Variants in RFT1 observed in about 807,000 individuals in gnomAD.
RFT1 encodes man(5)GlcNAc(2)-PP-dolichol translocation protein RFT1.
Under a neutral mutation model 62.2 loss-of-function variants are expected in RFT1, and 43 were observed. That is an observed-to-expected ratio of 0.69 (90% CI 0.54 to 0.89). The LOEUF is 0.89. RFT1 is among the 40% of genes least tolerant of loss of function. RFT1 has a pLI of 0.00. For missense variants in RFT1, 605 were observed against 649.9 expected (o/e 0.93, Z 0.75); for synonymous variants, 262 against 264.6 (o/e 0.99, Z 0.10).
downstream of RFT1, among the ~76,000 whole-genome samples, chr3:53,087,647 C>T (rs943569728): frequency 7.9e-5 from 12 of 152,056 alleles, no homozygotes; most frequent in South Asian, 2.1e-4. Flanking sequence ...CTCAGCCTCC[C>T]GTATAGGAAC....
the RFT1 span, among the ~76,000 whole-genome samples, chr3:53,076,839 C>T: frequency 5.3e-5 from 8 of 151,720 alleles, no homozygotes; most frequent in Non-Finnish European, 7.4e-5. Flanking sequence ...CCCAGCGACT[C>T]GGGAGGCTGA....
In RFT1 at chr3:53,104,074, TG is replaced by T; in HGVS notation, c.980del (p.Ala327GlufsTer15). 2 of 1,614,062 alleles carry T rather than the reference TG, an allele frequency of 1.2e-6. No individual in the cohort carries two copies. Among genetic ancestry groups the T allele is most frequent in the Non-Finnish European group, 1.7e-6 (2 of 1,180,004 alleles). ...QKQEDVAVAA[A>X]VLESLLKLAL... ...CCAGCTTGAGCAGGGACTCCAAGAC[TG>T]CAGCAGCCACAGCAACGTCCTCCTG... On this transcript the variant is annotated frameshift_variant, in exon 10 of 13. Transcript: ENST00000296292. LOFTEE classifies it high-confidence loss of function.
intron 6 of RFT1, among the ~76,000 whole-genome samples, chr3:53,112,971 A>G (rs558515004): frequency 1.3e-5 from 2 of 152,012 alleles, no homozygotes; most frequent in African/African-American, 2.4e-5. Context: ...TCTATCTTGT[A>G]GGCACCCTGG....
Position 53,101,117 on chromosome 3 carries a change from A to G in RFT1, c.1103-1631T>C, listed in dbSNP as rs538089935. Among the ~76,000 whole-genome samples, 33 of 152,336 alleles carry G rather than the reference A, an allele frequency of 2.2e-4. No individual in the cohort carries two copies. In the East Asian group the frequency reaches 5.4e-3, roughly 25 times the overall value. On this transcript the variant is annotated intron_variant, in intron 10 of 12. Transcript: ENST00000296292. The stretch of plus-strand genomic sequence containing the variant: ...CCCTAAACAGTTTTATGGCAGTCAC[A>G]AAATTATAAAAGGAATACTAACAGG...
chr3:53,079,920 TGGTG>T, the RFT1 span, among the ~76,000 whole-genome samples: 26 of 145,690 alleles, frequency 1.8e-4, no homozygotes, highest in African/African-American at 7.3e-4. Flanking sequence ...CATTGGCAAT[TGGTG>T]GGTGAGGCCA....
downstream of RFT1, among the ~76,000 whole-genome samples, chr3:53,085,561 CTT>C (rs1700837501): frequency 6.6e-6 from 1 of 152,240 alleles, no homozygotes; most frequent in South Asian, 2.1e-4. Context: ...AGCCACCACT[CTT>C]GTGTCCTTAT....
chr3:53,120,631 GTTTTGTCT>G (rs1184729670), intron 5 of RFT1, among the ~76,000 whole-genome samples: 2 of 152,188 alleles, frequency 1.3e-5, no homozygotes, highest in African/African-American at 4.8e-5. Context: ...AGCCAGATGG[GTTTTGTCT>G]GCAGATTGAG....
chr3:53,123,896 T>A, intron 2 of RFT1, 56 bp from the exon 3 acceptor site: 1 of 1,423,802 alleles, frequency 7.0e-7, no homozygotes, highest in Non-Finnish European at 9.9e-7. Flanking sequence ...AGAGAGAACT[T>A]CTGGGATTTT....
At chr3:53,092,191 A>AC (rs780379468) in intron 12 of RFT1, 121 bp from the exon 13 acceptor site, 324 of 1,394,960 alleles carry the variant, frequency 2.3e-4, no homozygotes, top group Non-Finnish European at 3.1e-4. Context: ...TAACAGCCAT[A>AC]CTGCAGGTCC....
chr3:53,109,619 G>A lies in RFT1; in HGVS notation c.775+2211C>T, dbSNP rs183496543. 2.3e-3 allele frequency among the ~76,000 whole-genome samples: 350 copies of A among 152,208 alleles called. 1 individual carries two copies. Among genetic ancestry groups the A allele is most frequent in the African/African-American group, 7.4e-3 (307 of 41,532 alleles). ...GAGTCCAGGAGTTCAAGACCAGTCT[G>A]GGCAACATCACAAGACCCTGTCTCT... is the stretch of plus-strand genomic sequence containing the variant. On this transcript the variant is annotated intron_variant, in intron 7 of 12. Transcript: ENST00000296292.
At chr3:53,123,682 C>T (rs759660756) in intron 3 of RFT1, 42 bp downstream of exon 3, 4 of 1,469,684 alleles carry the variant, frequency 2.7e-6, no homozygotes, top group Non-Finnish European at 9.5e-7. Context: ...GCTCACTACA[C>T]CTGCCTTCCT....
intron 6 of RFT1, among the ~76,000 whole-genome samples, chr3:53,112,401 T>C (rs1701676687): frequency 6.6e-6 from 1 of 152,164 alleles, no homozygotes; most frequent in South Asian, 2.1e-4. Flanking sequence ...CCACTCAGAA[T>C]GGGTATGACA....
chr3:53,129,165 A>G lies in RFT1; in HGVS notation c.63+1173T>C, dbSNP rs150369852. Among the ~76,000 whole-genome samples, 8 of 152,378 alleles carry G rather than the reference A, an allele frequency of 5.3e-5. No homozygotes were observed. The East Asian group carries it at 1.3e-3, about 26-fold the overall frequency. On this transcript the variant is annotated intron_variant, in intron 1 of 12. Transcript: ENST00000296292. ...AGAATGGCTAACATTTACTAAGCAC[A>G]TATCACGTGCAAGGCACTCTTCAAC...
chr3:53,087,218 C>G (rs982595736), downstream of RFT1, among the ~76,000 whole-genome samples: 29 of 152,164 alleles, frequency 1.9e-4, no homozygotes, highest in African/African-American at 7.0e-4. Context: ...GCCCGGGCAA[C>G]AGAACGAGAC....
chr3:53,096,932 A>T (rs914228817), intron 11 of RFT1, among the ~76,000 whole-genome samples: 2 of 151,924 alleles, frequency 1.3e-5, no homozygotes, highest in African/African-American at 4.8e-5. Context: ...TTTAGTAGAG[A>T]CAGGGTTTCA....
At chr3:53,083,462 T>G in the RFT1 span, among the ~76,000 whole-genome samples, 1 of 138,534 alleles carries the variant, frequency 7.2e-6, no homozygotes, top group Admixed American at 7.5e-5. Context: ...GCCACTGCAC[T>G]CCAGCCTGGG....
intron 11 of RFT1, among the ~76,000 whole-genome samples, chr3:53,097,524 A>G (rs916874594): frequency 2.0e-5 from 3 of 152,244 alleles, no homozygotes; most frequent in African/African-American, 7.2e-5. Flanking sequence ...CATTACAGCT[A>G]ACTTAAAAAG....
At chr3:53,116,291 CTTTT>C (rs71087059) in intron 6 of RFT1, among the ~76,000 whole-genome samples, 28 of 113,598 alleles carry the variant, frequency 2.5e-4, no homozygotes, top group Non-Finnish European at 2.4e-4. Context: ...CATCTCATTT[CTTTT>C]TTTTTTTTTT....
At chr3:53,097,616 T>C (rs1268532390) in intron 11 of RFT1, among the ~76,000 whole-genome samples, 1 of 152,228 alleles carries the variant, frequency 6.6e-6, no homozygotes, top group Non-Finnish European at 1.5e-5. Flanking sequence ...TTGGTTGCAA[T>C]GTATAAAAAC....
Sources: allele counts gnomAD v4.1 joint callset (sites outside exome capture counted in the v4.1 genomes callset), GRCh38; gene constraint gnomAD v4.1.1; transcripts MANE v1.5; gene names NCBI Gene and HGNC (gene_info 2026-07-23, HGNC 2026-07-21).